UIMC1: variants seen among roughly 807,000 people sequenced by gnomAD.
UIMC1 encodes the protein BRCA1-A complex subunit RAP80.
A neutral mutation model predicts 84.9 loss-of-function variants in UIMC1; 42 were observed. The observed-to-expected ratio is 0.49, with a 90% CI of 0.39 to 0.64. The LOEUF is 0.64. Among genes scored for constraint, UIMC1 ranks in the 30% least tolerant of loss-of-function variants. UIMC1 has a pLI of 0.00. For synonymous variants in UIMC1, 281 were observed against 293.0 expected, an observed-to-expected ratio of 0.96 and a Z score of 0.42; for missense variants, 825 against 847.6, an observed-to-expected ratio of 0.97 and a Z score of 0.33.
Position 176,905,992 on chromosome 5 carries a change from A to G in UIMC1, c.1949+19T>C, listed in dbSNP as rs1759310976. ...TCAGAAATGCTGACAGCCACAATTC[A>G]GTGCACAATCCAATTCACCTGAAGG... On this transcript the variant is annotated intron_variant, in intron 14 of 14. Coordinates refer to ENST00000511320, the MANE Select transcript of UIMC1 (RefSeq NM_001199298.2). 1 of 1,613,928 alleles carries G rather than the reference A, an allele frequency of 6.2e-7. No homozygotes were observed. Among genetic ancestry groups the G allele is most frequent in the African/African-American group, 1.3e-5 (1 of 74,930 alleles).
chr5:176,993,226 G>A (rs1249611814), intron 1 of UIMC1, among the ~76,000 whole-genome samples: 3 of 151,288 alleles, frequency 2.0e-5, no homozygotes, highest in Non-Finnish European at 2.9e-5. Context: ...GGCTCATGCT[G>A]TAATCCCAGC....
intron 3 of UIMC1, among the ~76,000 whole-genome samples, chr5:176,974,822 A>T (rs1299939922): frequency 3.3e-5 from 5 of 152,108 alleles, no homozygotes; most frequent in Non-Finnish European, 7.3e-5. Context: ...TCAAAAAAAA[A>T]AATAAAAAGG....
intron 1 of UIMC1, among the ~76,000 whole-genome samples, chr5:176,999,207 G>A (rs530084189): frequency 6.6e-6 from 1 of 151,968 alleles, no homozygotes; most frequent in Admixed American, 6.6e-5. Context: ...AAAAAATCTT[G>A]CAGTATTTTT....
chr5:176,956,930 A>G (rs2149463515), intron 7 of UIMC1, among the ~76,000 whole-genome samples: 1 of 152,294 alleles, frequency 6.6e-6, no homozygotes, highest in East Asian at 1.9e-4. Flanking sequence ...TTTACTCTGC[A>G]TGTAACATTA....
chr5:176,909,030 T>C (rs1413116806), intron 11 of UIMC1, among the ~76,000 whole-genome samples: 5 of 152,220 alleles, frequency 3.3e-5, no homozygotes, highest in African/African-American at 1.2e-4. Flanking sequence ...AAATTAAGTG[T>C]AATAGTTTTT....
At chr5:176,949,578 T>C (rs1186612067) in intron 9 of UIMC1, among the ~76,000 whole-genome samples, 1 of 152,188 alleles carries the variant, frequency 6.6e-6, no homozygotes, top group Non-Finnish European at 1.5e-5. Context: ...CTGTCGTCAG[T>C]CACTCTGCAG....
intron 6 of UIMC1, among the ~76,000 whole-genome samples, chr5:176,965,052 C>CA (rs1768064560): frequency 6.6e-6 from 1 of 152,166 alleles, no homozygotes; most frequent in African/African-American, 2.4e-5. Context: ...AAAAATGAAG[C>CA]AGACACAATA....
At chr5:176,952,733 G>A (rs1284483215) in intron 8 of UIMC1, among the ~76,000 whole-genome samples, 5 of 152,202 alleles carry the variant, frequency 3.3e-5, no homozygotes, top group African/African-American at 9.6e-5. Flanking sequence ...GGAGTTCAAG[G>A]TTGTAATGAG....
At chr5:176,919,091 T>A (rs1406232210) in intron 10 of UIMC1, 2 of 251,480 alleles carry the variant, frequency 8.0e-6, no homozygotes, top group Non-Finnish European at 1.6e-5. Flanking sequence ...TTCTTTTTTA[T>A]TTAAATATAA....
intron 1 of UIMC1, among the ~76,000 whole-genome samples, chr5:177,005,982 A>G (rs1329618056): frequency 6.6e-6 from 1 of 152,144 alleles, no homozygotes; most frequent in African/African-American, 2.4e-5. Context: ...GTCTAGGACG[A>G]TAGGGATCTC....
At chr5:176,905,576 CAT>C (rs1442388435) in intron 14 of UIMC1, 84 bp from the exon 15 acceptor site, 3 of 1,228,236 alleles carry the variant, frequency 2.4e-6, no homozygotes, top group Non-Finnish European at 3.4e-6. Flanking sequence ...GGGGATTTTA[CAT>C]ATCAGGGGAT....
At position 176,969,725 on chromosome 5, in the gene UIMC1, T is replaced by C. The variant is rs911882145; in HGVS notation, c.358-19A>G. 2 of 1,607,986 alleles carry C rather than the reference T, an allele frequency of 1.2e-6. No homozygotes were observed. The highest frequency in any genetic ancestry group is 4.5e-5 in the East Asian group (2 of 44,850). On this transcript the variant is annotated intron_variant, in intron 4 of 14. Transcript: ENST00000511320. ...GGCAACTCTGAAACAAGTGATCCCA[T>C]ACCAGACCAGGTTTATTATTAAAAT... is the stretch of plus-strand genomic sequence containing the variant.
Position 176,907,077 on chromosome 5 carries a change from A to T in UIMC1, c.1912+37T>A, listed in dbSNP as rs1210590627. ...ATGGCTATCTTCACTGAAAGGCCTT[A>T]GGCAGAAGCCCAGAAAACTGGTCCT... On this transcript the variant is annotated intron_variant, in intron 13 of 14. Coordinates refer to ENST00000511320, the MANE Select transcript of UIMC1 (RefSeq NM_001199298.2). 5.0e-6 allele frequency: 8 copies of T among 1,606,772 alleles called. No individual in the cohort carries two copies. In the African/African-American group the frequency reaches 1.1e-4, roughly 21 times the overall value.
intron 10 of UIMC1, among the ~76,000 whole-genome samples, chr5:176,933,086 G>A (rs570977189): frequency 6.6e-6 from 1 of 152,252 alleles, no homozygotes; most frequent in South Asian, 2.1e-4. Context: ...CAAGAAGGGG[G>A]CTGCTGGCCC....
rs139990144 is a variant in UIMC1 at position 176,908,702 on chromosome 5, A to G, written c.1677-8T>C. On this transcript the variant is annotated splice_polypyrimidine_tract_variant and splice_region_variant and intron_variant, in intron 11 of 14. Transcript: ENST00000511320. ...AGGTAACACTTCTCATTCCTATCCAATAAGAAAAAAGGAAGAAAACACAGT... is the reference window on the plus strand; with the variant it reads ...AGGTAACACTTCTCATTCCTATCCAGTAAGAAAAAAGGAAGAAAACACAGT... The G allele has an allele frequency of 1.9e-4, 311 of 1,606,754 alleles. 2 individuals carry two copies. In the East Asian group the frequency reaches 4.8e-3, roughly 25 times the overall value.
At chr5:176,999,764 T>C (rs929287491) in intron 1 of UIMC1, among the ~76,000 whole-genome samples, 2 of 152,240 alleles carry the variant, frequency 1.3e-5, no homozygotes, top group African/African-American at 2.4e-5. Flanking sequence ...TAGTACTCCA[T>C]TATGTATAAG....
chr5:176,997,977 T>C lies in UIMC1; in HGVS notation c.-9+8673A>G, dbSNP rs574163007. On this transcript the variant is annotated intron_variant, in intron 1 of 14. Coordinates refer to ENST00000511320, the MANE Select transcript of UIMC1 (RefSeq NM_001199298.2). ...CTTTCTCAGAGAAATCTTTCTTGGC[T>C]CCCCAGATTGGTCAAATACCTCTAC... is the stretch of plus-strand genomic sequence containing the variant. 4.5e-4 allele frequency among the ~76,000 whole-genome samples: 69 copies of C among 152,254 alleles called. 1 individual carries two copies. The highest frequency in any genetic ancestry group is 8.4e-4 in the Non-Finnish European group (57 of 68,022).
intron 10 of UIMC1, among the ~76,000 whole-genome samples, chr5:176,916,999 T>C (rs1761056146): frequency 6.6e-6 from 1 of 152,194 alleles, no homozygotes; most frequent in Non-Finnish European, 1.5e-5. Context: ...AGAAATTATA[T>C]ATACAAAGAA....
At chr5:176,987,429 C>T (rs1561892608) in intron 1 of UIMC1, among the ~76,000 whole-genome samples, 1 of 151,218 alleles carries the variant, frequency 6.6e-6, no homozygotes, top group Non-Finnish European at 1.5e-5. Flanking sequence ...GTGTATCACT[C>T]GAGGTGAGGA....
Sources: allele counts gnomAD v4.1 joint callset (sites outside exome capture counted in the v4.1 genomes callset), GRCh38; gene constraint gnomAD v4.1.1; transcripts MANE v1.5; gene names NCBI Gene and HGNC (gene_info 2026-07-23, HGNC 2026-07-21).